The following ATP10A variants were observed in gnomAD, a reference collection of about 807,000 sequenced individuals.
ATP10A encodes ATPase phospholipid transporting 10A (putative).
In ATP10A, 111 loss-of-function variants were observed where a neutral mutation model predicts 147.8. The observed-to-expected ratio is 0.75, with a 90% confidence interval of 0.64 to 0.88. The LOEUF (loss-of-function observed/expected upper bound fraction) is 0.88. ATP10A is among the 40% of genes least tolerant of loss of function. ATP10A has a pLI of 0.00. For synonymous variants in ATP10A, 875 were observed against 841.6 expected, an observed-to-expected ratio of 1.04 and a Z score of -0.69; for missense variants, 1,927 against 1,959.0, an observed-to-expected ratio of 0.98 and a Z score of 0.31.
chr15:25,836,614 G>T (rs1186622393), intron 1 of ATP10A, among the ~76,000 whole-genome samples: 1 of 152,222 alleles, frequency 6.6e-6, no homozygotes. Context: ...AGCGCGGCCA[G>T]AGCTGAGCAG....
chr15:25,763,543 G>T (rs1596838050), intron 2 of ATP10A, among the ~76,000 whole-genome samples: 2 of 152,274 alleles, frequency 1.3e-5, no homozygotes, highest in South Asian at 4.1e-4. Context: ...GCCACAGGGT[G>T]CCCGGATTAA....
intron 2 of ATP10A, among the ~76,000 whole-genome samples, chr15:25,752,152 A>G (rs1888187899): frequency 1.3e-5 from 2 of 152,148 alleles, no homozygotes; most frequent in South Asian, 4.1e-4. Flanking sequence ...CCAACATCTC[A>G]CTTCTGGGTA....
chr15:25,849,936 T>A (rs1255172635), intron 1 of ATP10A, among the ~76,000 whole-genome samples: 2 of 152,160 alleles, frequency 1.3e-5, no homozygotes, highest in Non-Finnish European at 2.9e-5. Context: ...TTGACTAAAG[T>A]CTGTCCTGGC....
intron 19 of ATP10A, 131 bp from the exon 20 acceptor site, chr15:25,680,439 G>T (rs1266078209): frequency 2.0e-6 from 2 of 993,426 alleles, no homozygotes; most frequent in Non-Finnish European, 3.0e-6. Flanking sequence ...TGCGGTCTAT[G>T]ACGCGGGTAA....
chr15:25,710,960 A>G (rs1344745724), intron 10 of ATP10A: 1 of 152,236 alleles, frequency 6.6e-6, no homozygotes, highest in African/African-American at 2.4e-5. Context: ...CTAGGGGCTC[A>G]TGTGGGGACT....
chr15:25,827,862 A>C (rs905240481), intron 1 of ATP10A, among the ~76,000 whole-genome samples: 1 of 152,160 alleles, frequency 6.6e-6, no homozygotes, highest in African/African-American at 2.4e-5. Context: ...GACAGAATAG[A>C]TTTTTTAAAA....
At position 25,703,251 on chromosome 15, in the gene ATP10A, G is replaced by A. The variant is rs1238542054; in HGVS notation, c.2576-1151C>T. 3.9e-5 allele frequency among the ~76,000 whole-genome samples: 6 copies of A among 152,156 alleles called. No homozygotes were observed. The East Asian group carries it at 7.7e-4, about 20-fold the overall frequency. On this transcript the variant is annotated intron_variant, in intron 12 of 20. Transcript: ENST00000555815. ...TGGGTGCCTGTAATCCCAGCTGCTCGGGAGGTTGAGGCAGAATTGCTTGAA... is the reference window on the plus strand; with the variant it reads ...TGGGTGCCTGTAATCCCAGCTGCTCAGGAGGTTGAGGCAGAATTGCTTGAA...
intron 2 of ATP10A, among the ~76,000 whole-genome samples, chr15:25,740,088 T>G (rs986672130): frequency 3.3e-5 from 5 of 152,210 alleles, no homozygotes; most frequent in Non-Finnish European, 7.3e-5. Flanking sequence ...AATGAATGGT[T>G]TGATTCACAG....
At chr15:25,688,406 G>A (rs1340011896) in intron 15 of ATP10A, among the ~76,000 whole-genome samples, 1 of 152,186 alleles carries the variant, frequency 6.6e-6, no homozygotes, top group Non-Finnish European at 1.5e-5. Flanking sequence ...CCGTGTGCAG[G>A]AGGGAGTGGA....
At chr15:25,687,868 C>T in intron 15 of ATP10A, 40 bp from the exon 16 acceptor site, 1 of 1,613,254 alleles carries the variant, frequency 6.2e-7, no homozygotes, top group South Asian at 1.1e-5. Flanking sequence ...GTGATGCCGA[C>T]CTGGCGTCAG....
chr15:25,740,923 G>T (rs1464994906), intron 2 of ATP10A, among the ~76,000 whole-genome samples: 1 of 152,190 alleles, frequency 6.6e-6, no homozygotes, highest in African/African-American at 2.4e-5. Context: ...TTCCTGCCAC[G>T]CAGGGAACCC....
intron 2 of ATP10A, among the ~76,000 whole-genome samples, chr15:25,772,750 C>T (rs936476623): frequency 5.9e-5 from 9 of 152,286 alleles, no homozygotes; most frequent in Admixed American, 3.3e-4. Context: ...GGCATGCACC[C>T]AATCCCCCAC....
chr15:25,673,094 C>T (rs1899073460), downstream of ATP10A, among the ~76,000 whole-genome samples: 1 of 152,094 alleles, frequency 6.6e-6, no homozygotes, highest in African/African-American at 2.4e-5. Flanking sequence ...TACCCAGGGC[C>T]CCTCAGGGGC....
At chr15:25,764,708 C>G (rs1888934500) in intron 2 of ATP10A, among the ~76,000 whole-genome samples, 1 of 152,228 alleles carries the variant, frequency 6.6e-6, no homozygotes, top group South Asian at 2.1e-4. Context: ...GTATTAGGAA[C>G]AGACCAAGAT....
chr15:25,855,361 A>G (rs892955796), intron 1 of ATP10A, among the ~76,000 whole-genome samples: 2 of 152,212 alleles, frequency 1.3e-5, no homozygotes, highest in African/African-American at 4.8e-5. Flanking sequence ...TGTCATATTA[A>G]TTGAACTACA....
intron 2 of ATP10A, among the ~76,000 whole-genome samples, chr15:25,769,676 G>C (rs1889235134): frequency 6.6e-6 from 1 of 152,020 alleles, no homozygotes; most frequent in African/African-American, 2.4e-5. Context: ...CCTGACAGTG[G>C]AGAGAATTGG....
At chr15:25,838,755 G>C (rs1221108750) in intron 1 of ATP10A, among the ~76,000 whole-genome samples, 1 of 152,144 alleles carries the variant, frequency 6.6e-6, no homozygotes, top group Non-Finnish European at 1.5e-5. Context: ...CACTTCCTTA[G>C]TACTTATTTC....
At chr15:25,721,938 T>A (rs1564828) in intron 6 of ATP10A, 29 bp from the exon 7 acceptor site, 1 of 1,602,864 alleles carries the variant, frequency 6.2e-7, no homozygotes, top group South Asian at 1.1e-5. Flanking sequence ...ACAGGATGAA[T>A]GACCGTGAGG....
At chr15:25,718,495 G>C in intron 7 of ATP10A, 96 bp from the exon 8 acceptor site, 1 of 1,281,014 alleles carries the variant, frequency 7.8e-7, no homozygotes, top group African/African-American at 1.5e-5. Context: ...CGAGGCTTCC[G>C]GCAGGGCAGC....
Sources: gnomAD v4.1 joint callset for allele counts (sites outside exome capture counted in the v4.1 genomes callset) on GRCh38, gnomAD v4.1.1 for gene constraint, MANE v1.5 for transcripts, NCBI Gene and HGNC (gene_info 2026-07-23, HGNC 2026-07-21) for gene names.